Variants in ALK observed in about 807,000 individuals in gnomAD.
ALK encodes ALK tyrosine kinase receptor.
Under a neutral mutation model 163.1 loss-of-function variants are expected in ALK, and 74 were observed. The observed-to-expected ratio is 0.45, with a 90% CI of 0.38 to 0.55. The LOEUF (loss-of-function observed/expected upper bound fraction) is 0.55, where lower values mean the gene tolerates loss of function less well. Among genes scored for constraint, ALK ranks in the 20% least tolerant of loss-of-function variants. The pLI, the probability that ALK is intolerant of heterozygous loss-of-function variation, is 0.00. For missense variants in ALK, 2,063 were observed against 2,105.3 expected (o/e 0.98, Z 0.39); for synonymous variants, 960 against 843.2 (o/e 1.14, Z -2.40).
intron 3 of ALK, among the ~76,000 whole-genome samples, chr2:29,584,477 G>A (rs532500085): frequency 6.6e-6 from 1 of 152,180 alleles, no homozygotes; most frequent in Non-Finnish European, 1.5e-5. Context: ...GGCACACAGA[G>A]TATGCAGGCA....
At position 29,288,951 on chromosome 2, in the gene ALK, C is replaced by CAAAAAAAAAAA. The variant is rs770578645; in HGVS notation, c.1817+7936_1817+7937insTTTTTTTTTTT. Among the ~76,000 whole-genome samples, 125 of 24,196 alleles carry CAAAAAAAAAAA rather than the reference C, an allele frequency of 5.2e-3. 6 individuals carry two copies. Among genetic ancestry groups the CAAAAAAAAAAA allele is most frequent in the Middle Eastern group, 0.028 (1 of 36 alleles). The allele number at this position is 24,196 out of a possible 152,430, so 15.9% of individuals were successfully genotyped here. On this transcript the variant is annotated intron_variant, in intron 9 of 28. Coordinates refer to ENST00000389048, the MANE Select transcript of ALK (RefSeq NM_004304.5). ...TGGGCGACAGAGGGAGACTCCTTCT[C>CAAAAAAAAAAA]AAAAAAATAAATAAATAAATAAATA... is the stretch of plus-strand genomic sequence containing the variant.
intron 3 of ALK, among the ~76,000 whole-genome samples, chr2:29,624,290 C>G (rs1676128572): frequency 6.6e-6 from 1 of 152,114 alleles, no homozygotes; most frequent in Non-Finnish European, 1.5e-5. Context: ...AAGTTTTTAC[C>G]AAGTTAATCT....
chr2:29,613,936 G>A (rs1336413486), intron 3 of ALK, among the ~76,000 whole-genome samples: 1 of 152,128 alleles, frequency 6.6e-6, no homozygotes, highest in Non-Finnish European at 1.5e-5. Flanking sequence ...ACAGCTCAGG[G>A]ACTAATGGGC....
intron 4 of ALK, among the ~76,000 whole-genome samples, chr2:29,400,211 C>T (rs920332878): frequency 2.6e-5 from 4 of 152,104 alleles, no homozygotes; most frequent in South Asian, 2.1e-4. Flanking sequence ...TTTGAGCATG[C>T]GCATATACTC....
intron 8 of ALK, among the ~76,000 whole-genome samples, chr2:29,303,370 G>A (rs541075642): frequency 6.6e-6 from 1 of 151,820 alleles, no homozygotes; most frequent in African/African-American, 2.4e-5. Context: ...ATTATTAAAA[G>A]GTAAAAAAAG....
At chr2:29,532,499 T>C (rs1464194305) in intron 3 of ALK, among the ~76,000 whole-genome samples, 1 of 152,250 alleles carries the variant, frequency 6.6e-6, no homozygotes, top group East Asian at 1.9e-4. Flanking sequence ...GCATTAACTT[T>C]CTTAGGTTTC....
intron 5 of ALK, among the ~76,000 whole-genome samples, chr2:29,374,089 C>G (rs893303427): frequency 6.6e-6 from 1 of 152,164 alleles, no homozygotes. Context: ...AGATGTGAAC[C>G]TGTAAACATA....
intron 1 of ALK, among the ~76,000 whole-genome samples, chr2:29,856,319 A>G (rs1666136450): frequency 6.6e-6 from 1 of 152,226 alleles, no homozygotes; most frequent in African/African-American, 2.4e-5. Flanking sequence ...AAAAATGATT[A>G]CTGCATGGGA....
At chr2:29,607,917 T>C (rs1261874699) in intron 3 of ALK, among the ~76,000 whole-genome samples, 2 of 152,226 alleles carry the variant, frequency 1.3e-5, no homozygotes, top group Non-Finnish European at 1.5e-5. Flanking sequence ...GTAAGTCTTA[T>C]AAAAATAATT....
intron 4 of ALK, among the ~76,000 whole-genome samples, chr2:29,492,850 G>C (rs1671935650): frequency 1.3e-5 from 2 of 152,280 alleles, no homozygotes; most frequent in Middle Eastern, 3.4e-3. Flanking sequence ...TATTGGCAAA[G>C]ATCCTTGAAC....
rs190158030 is a variant in ALK, at chr2:29,289,644, C to T, written c.1817+7244G>A. Among the ~76,000 whole-genome samples, 185 of 152,274 alleles carry T rather than the reference C, an allele frequency of 1.2e-3. 6 individuals are homozygous for T. In the East Asian group the frequency reaches 0.032, roughly 26 times the overall value. On this transcript the variant is annotated intron_variant, in intron 9 of 28. Coordinates refer to ENST00000389048, the MANE Select transcript of ALK (RefSeq NM_004304.5). ...TATATGGCATCAGGGCAATTCAACT[C>T]CCCTCGCGAGAGGCAGGTGAGACAT... is the stretch of plus-strand genomic sequence containing the variant.
intron 4 of ALK, among the ~76,000 whole-genome samples, chr2:29,500,563 CT>C (rs900783903): frequency 2.0e-5 from 3 of 151,658 alleles, no homozygotes; most frequent in Middle Eastern, 3.4e-3. Flanking sequence ...CTAGCCTCTT[CT>C]TTTTTTTTCT....
At chr2:29,636,187 A>T (rs1032623900) in intron 3 of ALK, among the ~76,000 whole-genome samples, 2 of 152,186 alleles carry the variant, frequency 1.3e-5, no homozygotes, top group Non-Finnish European at 2.9e-5. Flanking sequence ...GATCAATGGA[A>T]TGAAATGAGA....
rs543837888 is a variant in ALK at position 29,855,893 on chromosome 2, C to T, written c.667+64100G>A. Among the ~76,000 whole-genome samples the T allele has an allele frequency of 2.0e-5, 3 of 152,270 alleles. 1 individual carries two copies. In the South Asian group the frequency reaches 6.2e-4, roughly 32 times the overall value. ...CTATAGAATCATCAAATTTTAAAGC[C>T]AGAAGTATCCTAAAGATCACGTTTT... On this transcript the variant is annotated intron_variant, in intron 1 of 28. Coordinates refer to ENST00000389048, the MANE Select transcript of ALK (RefSeq NM_004304.5).
intron 3 of ALK, among the ~76,000 whole-genome samples, chr2:29,638,343 C>G (rs1192672846): frequency 2.0e-5 from 3 of 152,204 alleles, no homozygotes; most frequent in Non-Finnish European, 4.4e-5. Context: ...CCTTCATTGA[C>G]TAGTATACAC....
intron 3 of ALK, among the ~76,000 whole-genome samples, chr2:29,637,703 C>T (rs1251128263): frequency 3.1e-4 from 5 of 16,248 alleles, no homozygotes; most frequent in African/African-American, 1.1e-3. Flanking sequence ...AGCAAGACTC[C>T]GTCTCCAAAA....
intron 8 of ALK, among the ~76,000 whole-genome samples, chr2:29,300,880 C>T (rs1666349393): frequency 6.6e-6 from 1 of 152,168 alleles, no homozygotes; most frequent in Non-Finnish European, 1.5e-5. Context: ...CCCTTTCTCT[C>T]ATTTCAGGCT....
Position 29,387,707 on chromosome 2 carries a change from A to G in ALK, c.1155-3848T>C, listed in dbSNP as rs1383375025. Reference sequence around the variant, plus strand: ...TTTTATGAAAGCCCTGAAATCTCCAATGGACAAATAATATCCCACAGAGGT... The same window carrying G: ...TTTTATGAAAGCCCTGAAATCTCCAGTGGACAAATAATATCCCACAGAGGT... On this transcript the variant is annotated intron_variant, in intron 4 of 28. Transcript: ENST00000389048. Among the ~76,000 whole-genome samples the G allele has an allele frequency of 2.6e-5, 4 of 152,236 alleles. 1 individual carries two copies. Among genetic ancestry groups the G allele is most frequent in the Admixed American group, 2.0e-4 (3 of 15,288 alleles).
chr2:29,251,059 T>C (rs770352707), intron 12 of ALK, 46 bp downstream of exon 12: 3 of 1,598,556 alleles, frequency 1.9e-6, no homozygotes, highest in Non-Finnish European at 1.7e-6. Flanking sequence ...CCAGGCTTCT[T>C]CGGAAGGGGT....
Sources: allele counts gnomAD v4.1 joint callset (sites outside exome capture counted in the v4.1 genomes callset), GRCh38; gene constraint gnomAD v4.1.1; transcripts MANE v1.5; gene names NCBI Gene and HGNC (gene_info 2026-07-23, HGNC 2026-07-21).